CLEC1A: variants seen among roughly 807,000 people sequenced by gnomAD.
CLEC1A encodes C-type lectin-like receptor-1.
CLEC1A carries 34 observed loss-of-function variants against 28.7 expected under a neutral mutation model. The ratio of observed to expected loss-of-function variants is 1.18; its 90% CI spans 0.90 to 1.57. CLEC1A has a LOEUF of 1.57. Ranked by LOEUF, CLEC1A falls within the 40% of genes most tolerant of loss-of-function variation. The pLI is 0.00. For missense variants in CLEC1A, 385 were observed against 339.5 expected (o/e 1.13, Z -1.05); for synonymous variants, 116 against 121.0 (o/e 0.96, Z 0.27).
chr12:10,087,164 C>T (rs187149179), intron 2 of CLEC1A, among the ~76,000 whole-genome samples: 61 of 131,264 alleles, frequency 4.6e-4, no homozygotes, highest in African/African-American at 1.8e-3. Context: ...GAGATCATGC[C>T]ACTGCACTCC....
chr12:10,083,016 C>G (rs1866402861), intron 2 of CLEC1A, among the ~76,000 whole-genome samples: 1 of 152,218 alleles, frequency 6.6e-6, no homozygotes, highest in Non-Finnish European at 1.5e-5. Flanking sequence ...GATGGGAGAC[C>G]AGAAGATGGA....
intron 1 of CLEC1A, among the ~76,000 whole-genome samples, chr12:10,093,232 C>T (rs993134868): frequency 4.0e-5 from 6 of 151,828 alleles, no homozygotes; most frequent in African/African-American, 9.7e-5. Flanking sequence ...CCTAGGAGGT[C>T]GCTTGAGTTT....
intron 3 of CLEC1A, among the ~76,000 whole-genome samples, chr12:10,079,667 C>T (rs978300056): frequency 6.6e-6 from 1 of 151,360 alleles, no homozygotes; most frequent in African/African-American, 2.4e-5. Context: ...TTAAAATATA[C>T]AAAAATTAGC....
intron 3 of CLEC1A, among the ~76,000 whole-genome samples, chr12:10,078,565 T>C (rs1295690894): frequency 6.6e-6 from 1 of 152,228 alleles, no homozygotes; most frequent in Non-Finnish European, 1.5e-5. Flanking sequence ...TTTACCTTCA[T>C]TTCTCATAGG....
At chr12:10,079,726 C>A (rs143450198) in intron 3 of CLEC1A, among the ~76,000 whole-genome samples, 1 of 151,384 alleles carries the variant, frequency 6.6e-6, no homozygotes, top group East Asian at 2.0e-4. Flanking sequence ...AGAGGAGATA[C>A]GAGAATCACT....
In CLEC1A at chr12:10,071,161, A is replaced by G. The variant is rs1017139031; in HGVS notation, c.*172T>C. The G allele has an allele frequency of 5.5e-5, 32 of 577,066 alleles. No homozygotes were observed. The East Asian group carries it at 8.1e-4, about 15-fold the overall frequency. 35.7% of individuals were successfully genotyped at this position (577,066 alleles called of 1,614,324 possible). A position where few individuals can be genotyped will look rare whatever the true frequency, so the allele number is the denominator to read the frequency against. ...CTTCTTGTGACTGTTAAATACGTGC[A>G]TAAACCCAAGCTCAGAAATGCTGGT... is the stretch of plus-strand genomic sequence containing the variant. On this transcript the variant is annotated 3_prime_UTR_variant, in exon 6 of 6. Transcript: ENST00000315330.
In CLEC1A at chr12:10,081,418, C is replaced by A. The variant is rs1336632796; in HGVS notation, c.215-5G>T. ...AGAGCTGGTAGTACTGAAAAACTAA[C>A]CCAAATGACCAAGTCAGACTGGACA... On this transcript the variant is annotated splice_region_variant and splice_polypyrimidine_tract_variant and intron_variant, in intron 2 of 5. Transcript: ENST00000315330. The A allele has an allele frequency of 1.9e-6, 3 of 1,590,018 alleles. No individual in the cohort carries two copies. In the South Asian group the frequency reaches 3.4e-5, roughly 18 times the overall value.
At chr12:10,091,928 ATATT>A (rs1320123564) in intron 1 of CLEC1A, among the ~76,000 whole-genome samples, 4 of 152,182 alleles carry the variant, frequency 2.6e-5, no homozygotes, top group Non-Finnish European at 5.9e-5. Context: ...TTCTTGGAAA[ATATT>A]TATTTATCCA....
chr12:10,075,388 G>T, intron 4 of CLEC1A, 116 bp downstream of exon 4: 1 of 1,081,280 alleles, frequency 9.2e-7, no homozygotes. Context: ...GGCCCTGATC[G>T]AAACAGGTTC....
chr12:10,089,748 T>C (rs1227843055), intron 1 of CLEC1A, among the ~76,000 whole-genome samples: 1 of 152,154 alleles, frequency 6.6e-6, no homozygotes, highest in Non-Finnish European at 1.5e-5. Context: ...ATAATTTTAC[T>C]GTTTTTCTGT....
chr12:10,087,530 T>C (rs1218651942), intron 2 of CLEC1A, among the ~76,000 whole-genome samples: 2 of 132,710 alleles, frequency 1.5e-5, no homozygotes. Flanking sequence ...TTGTTTTTTT[T>C]TTTTTTAGAC....
intron 2 of CLEC1A, among the ~76,000 whole-genome samples, chr12:10,085,782 T>A (rs1355471063): frequency 6.6e-6 from 1 of 151,964 alleles, no homozygotes; most frequent in Non-Finnish European, 1.5e-5. Context: ...AAGTCAACAA[T>A]GAAGAAGAAA....
At chr12:10,085,481 T>C (rs73250223) in intron 2 of CLEC1A, among the ~76,000 whole-genome samples, 5,967 of 137,532 alleles carry the variant, frequency 0.043, 391 homozygotes, top group African/African-American at 0.15. Context: ...AAAACAAAAA[T>C]GAGCCGGAGT....
intron 3 of CLEC1A, among the ~76,000 whole-genome samples, chr12:10,077,861 C>A (rs7961483): frequency 6.6e-6 from 1 of 151,740 alleles, no homozygotes; most frequent in African/African-American, 2.4e-5. Flanking sequence ...CCAGAATTTT[C>A]CCTCATATAT....
intron 5 of CLEC1A, among the ~76,000 whole-genome samples, chr12:10,072,885 A>G (rs529324271): frequency 6.6e-6 from 1 of 152,212 alleles, no homozygotes; most frequent in East Asian, 1.9e-4. Context: ...TCTAAACAAG[A>G]CTGGGCAACA....
At chr12:10,078,845 A>G (rs1353277662) in intron 3 of CLEC1A, among the ~76,000 whole-genome samples, 1 of 152,096 alleles carries the variant, frequency 6.6e-6, no homozygotes, top group Non-Finnish European at 1.5e-5. Flanking sequence ...TTCTCGCTCT[A>G]TGAGTCCCAG....
chr12:10,073,464 T>G, intron 4 of CLEC1A, 53 bp from the exon 5 acceptor site: 9 of 1,348,366 alleles, frequency 6.7e-6, no homozygotes, highest in Non-Finnish European at 9.5e-6. Context: ...ATTACTCACA[T>G]GTACAGACAT....
intron 3 of CLEC1A, among the ~76,000 whole-genome samples, chr12:10,080,720 AC>A (rs1866349799): frequency 6.6e-6 from 1 of 152,234 alleles, no homozygotes; most frequent in Non-Finnish European, 1.5e-5. Context: ...AATTTTATCA[AC>A]GGTGGTTCAC....
rs890271740 is a variant in CLEC1A, at chr12:10,071,444, G to A, written c.732C>T (p.Ile244=). 3 of 1,613,876 alleles carry A rather than the reference G, an allele frequency of 1.9e-6. No homozygotes were observed. The highest frequency in any genetic ancestry group is 1.7e-5 in the Admixed American group (1 of 60,002). Residue 244 remains isoleucine, a synonymous_variant, in exon 6 of 6, where the codon ATC becomes ATT. Transcript: ENST00000315330. ...RDCVAILNGM[I]FSKDCKELKR... is the part of the protein sequence containing the mutation. Reference sequence around the variant, plus strand: ...TCAATTCTTTGCAGTCCTTTGAGAAGATCATCCCATTAAGGATGGCCACAC... The same window carrying A: ...TCAATTCTTTGCAGTCCTTTGAGAAAATCATCCCATTAAGGATGGCCACAC...
Sources: allele counts gnomAD v4.1 joint callset (sites outside exome capture counted in the v4.1 genomes callset), GRCh38; gene constraint gnomAD v4.1.1; transcripts MANE v1.5; gene names NCBI Gene and HGNC (gene_info 2026-07-23, HGNC 2026-07-21).